NEDD4L: variants seen among roughly 807,000 people sequenced by gnomAD.
The protein encoded by NEDD4L is E3 ubiquitin-protein ligase NEDD4-like.
In NEDD4L, 54 loss-of-function variants were observed where a neutral mutation model predicts 148.9. The observed-to-expected ratio is 0.36, with a 90% CI of 0.29 to 0.45. The LOEUF is 0.45. Among genes scored for constraint, NEDD4L ranks in the 20% least tolerant of loss-of-function variants. The pLI, the probability that NEDD4L is intolerant of heterozygous loss-of-function variation, is 1.00. For synonymous variants in NEDD4L, 433 were observed against 440.7 expected (o/e 0.98, Z 0.22); for missense variants, 856 against 1,233.8 (o/e 0.69, Z 4.59).
intron 1 of NEDD4L, among the ~76,000 whole-genome samples, chr18:58,097,622 GAC>G (rs1223066350): frequency 1.3e-5 from 2 of 152,198 alleles, no homozygotes; most frequent in Non-Finnish European, 2.9e-5. Flanking sequence ...CTTCTGAATA[GAC>G]ACACACTGTA....
At chr18:58,155,252 C>G (rs1239816480) in intron 1 of NEDD4L, among the ~76,000 whole-genome samples, 2 of 138,324 alleles carry the variant, frequency 1.4e-5, no homozygotes, top group Admixed American at 1.5e-4. Context: ...ATAGTAATTG[C>G]GACTATCTTG....
chr18:58,076,324 A>G lies in NEDD4L; in HGVS notation c.48+31616A>G, dbSNP rs145370035. Reference sequence around the variant, plus strand: ...ACATGAAGAGCAAACCCTTGATTCCATTCGTAATACATAATAGAACACCTT... The same window carrying G: ...ACATGAAGAGCAAACCCTTGATTCCGTTCGTAATACATAATAGAACACCTT... On this transcript the variant is annotated intron_variant, in intron 1 of 30. Coordinates refer to ENST00000400345, the MANE Select transcript of NEDD4L (RefSeq NM_001144967.3). Among the ~76,000 whole-genome samples the G allele has an allele frequency of 7.7e-4, 117 of 152,320 alleles. 1 individual carries two copies. In the East Asian group the frequency reaches 0.021, roughly 28 times the overall value.
intron 1 of NEDD4L, among the ~76,000 whole-genome samples, chr18:58,159,930 G>T (rs149688544): frequency 3.7e-4 from 56 of 152,334 alleles, no homozygotes; most frequent in African/African-American, 1.3e-3. Flanking sequence ...TGGACAGCTG[G>T]TGTACGTGAT....
At chr18:58,286,770 A>G (rs553981485) in intron 5 of NEDD4L, among the ~76,000 whole-genome samples, 1 of 152,318 alleles carries the variant, frequency 6.6e-6, no homozygotes, top group East Asian at 1.9e-4. Flanking sequence ...TTGAATATTA[A>G]ACACCAGTAA....
chr18:58,069,622 A>G (rs1422391132), intron 1 of NEDD4L, among the ~76,000 whole-genome samples: 1 of 152,216 alleles, frequency 6.6e-6, no homozygotes, highest in Non-Finnish European at 1.5e-5. Context: ...TAACTGAGTA[A>G]CACTGATACT....
chr18:58,056,531 A>C (rs1305907713), intron 1 of NEDD4L, among the ~76,000 whole-genome samples: 4 of 152,134 alleles, frequency 2.6e-5, no homozygotes, highest in African/African-American at 9.7e-5. Flanking sequence ...GGCTCTTTCC[A>C]GGGCTTCTTG....
intron 5 of NEDD4L, among the ~76,000 whole-genome samples, chr18:58,298,731 A>G (rs1162464491): frequency 6.6e-6 from 1 of 152,246 alleles, no homozygotes; most frequent in African/African-American, 2.4e-5. Context: ...CATGATGACA[A>G]ACATTTCTGG....
intron 1 of NEDD4L, among the ~76,000 whole-genome samples, chr18:58,145,059 C>G (rs1055531393): frequency 2.0e-5 from 3 of 152,118 alleles, no homozygotes; most frequent in South Asian, 4.2e-4. Flanking sequence ...AGCCCAGGAG[C>G]CAAGAGGATG....
At chr18:58,184,269 G>A (rs1357896607) in intron 2 of NEDD4L, among the ~76,000 whole-genome samples, 1 of 152,148 alleles carries the variant, frequency 6.6e-6, no homozygotes, top group Admixed American at 6.5e-5. Context: ...GTGGGGTCAC[G>A]TCTTGTAGGA....
rs1319582468 is a variant in NEDD4L, at chr18:58,398,319, G to A, written c.*2050G>A. On this transcript the variant is annotated 3_prime_UTR_variant, in exon 31 of 31. Coordinates refer to ENST00000400345, the MANE Select transcript of NEDD4L (RefSeq NM_001144967.3). ...AGTCTAGAGGCAGTTTTCTTTTTAA[G>A]AATCATGCCAGAGCCTGAGTCGAGC... 2.0e-5 allele frequency: 3 copies of A among 151,074 alleles called. No individual in the cohort carries two copies. Among genetic ancestry groups the A allele is most frequent in the Non-Finnish European group, 2.9e-5 (2 of 67,990 alleles). 9.4% of individuals were successfully genotyped at this position (151,074 alleles called of 1,614,324 possible).
In NEDD4L at chr18:58,265,822, C is replaced by T. The variant is rs528085040; in HGVS notation, c.297+13768C>T. The stretch of plus-strand genomic sequence containing the variant: ...CAAGCAGTCCTCCTGCCTTGGCCTC[C>T]CAAAGTGCTGGGTTTACAGGCATGA... On this transcript the variant is annotated intron_variant, in intron 5 of 30. Coordinates refer to ENST00000400345, the MANE Select transcript of NEDD4L (RefSeq NM_001144967.3). Among the ~76,000 whole-genome samples the T allele has an allele frequency of 2.4e-3, 360 of 152,188 alleles. 1 individual carries two copies. Among genetic ancestry groups the T allele is most frequent in the African/African-American group, 8.5e-3 (351 of 41,538 alleles).
At position 58,256,196 on chromosome 18, in the gene NEDD4L, G is replaced by A. The variant is rs2048529377; in HGVS notation, c.297+4142G>A. 2.1e-5 allele frequency: 25 copies of A among 1,218,074 alleles called. No homozygotes were observed. Among genetic ancestry groups the A allele is most frequent in the Non-Finnish European group, 2.6e-5 (25 of 979,400 alleles). The allele number at this position is 1,218,074 out of a possible 1,614,324, so 75.5% of individuals were successfully genotyped here. A position where few individuals can be genotyped will look rare whatever the true frequency, so the allele number is the denominator to read the frequency against. ...CGGCCCCGTGGACTGCGCGGAGGAG[G>A]CTGCCCCGGGCCTGCGCATCCAGCA... On this transcript the variant is annotated intron_variant, in intron 5 of 30. Transcript: ENST00000400345. The surrounding 1 kb of genome is among the most constrained non-coding windows in gnomAD (Gnocchi z 5.2).
At chr18:58,131,546 C>A (rs1049135606) in intron 1 of NEDD4L, among the ~76,000 whole-genome samples, 5 of 150,640 alleles carry the variant, frequency 3.3e-5, no homozygotes, top group African/African-American at 1.2e-4. Flanking sequence ...TCTAGCAGAA[C>A]TGTGGCGGTT....
intron 2 of NEDD4L, among the ~76,000 whole-genome samples, chr18:58,240,712 G>A (rs1022438831): frequency 1.1e-4 from 17 of 152,052 alleles, no homozygotes; most frequent in African/African-American, 3.9e-4. Flanking sequence ...CCTTCCGTTG[G>A]GTCCCACTGC....
At chr18:58,128,788 A>G (rs183385001) in intron 1 of NEDD4L, among the ~76,000 whole-genome samples, 2 of 152,300 alleles carry the variant, frequency 1.3e-5, no homozygotes, top group Admixed American at 1.3e-4. Context: ...TGTAAGATGA[A>G]GTCTCTTGGA....
At chr18:58,234,421 T>A (rs1271930152) in intron 2 of NEDD4L, among the ~76,000 whole-genome samples, 1 of 148,388 alleles carries the variant, frequency 6.7e-6, no homozygotes, top group Non-Finnish European at 1.5e-5. Flanking sequence ...AGCCTCAGCC[T>A]CCCTGGCCTA....
chr18:58,289,696 C>T (rs188596568), intron 5 of NEDD4L, among the ~76,000 whole-genome samples: 9 of 152,234 alleles, frequency 5.9e-5, no homozygotes, highest in South Asian at 4.2e-4. Flanking sequence ...CACTTGACAC[C>T]GCATCACCAC....
chr18:58,089,125 A>AT (rs2083917865), intron 1 of NEDD4L, among the ~76,000 whole-genome samples: 3 of 131,936 alleles, frequency 2.3e-5, no homozygotes, highest in African/African-American at 1.0e-4. Flanking sequence ...TTTATTTCAT[A>AT]ATTTTTTTTT....
At chr18:58,234,062 T>C (rs1005562944) in intron 2 of NEDD4L, among the ~76,000 whole-genome samples, 7 of 84,558 alleles carry the variant, frequency 8.3e-5, no homozygotes, top group Non-Finnish European at 1.4e-4. Context: ...TCTTTCTTTC[T>C]TTCTTTCTTT....
Sources: gnomAD v4.1 joint callset for allele counts (sites outside exome capture counted in the v4.1 genomes callset) on GRCh38, gnomAD v4.1.1 for gene constraint, Gnocchi (gnomAD v3.1) non-coding constraint, MANE v1.5 for transcripts, NCBI Gene and HGNC (gene_info 2026-07-23, HGNC 2026-07-21) for gene names.